The following ARHGEF37 variants were observed in gnomAD, a reference collection of about 807,000 sequenced individuals.
ARHGEF37 encodes the protein Rho guanine nucleotide exchange factor (GEF) 37.
ARHGEF37 carries 55 observed loss-of-function variants against 71.1 expected under a neutral mutation model. The ratio of observed to expected loss-of-function variants is 0.77; its 90% CI spans 0.62 to 0.97. ARHGEF37 has a LOEUF of 0.97. ARHGEF37 is among the 50% of genes least tolerant of loss of function. The pLI is 0.00. For synonymous variants in ARHGEF37, 327 were observed against 350.6 expected (o/e 0.93, Z 0.75); for missense variants, 765 against 836.8 (o/e 0.91, Z 1.06).
chr5:149,613,216 A>G (rs1335811470), intron 4 of ARHGEF37, among the ~76,000 whole-genome samples: 1 of 152,272 alleles, frequency 6.6e-6, no homozygotes, highest in Non-Finnish European at 1.5e-5. Flanking sequence ...GAAAGTTCCA[A>G]TAACACAAGT....
rs1408113663 is a variant in ARHGEF37, at chr5:149,621,842, A to G, written c.1115A>G (p.Glu372Gly). 6.2e-7 allele frequency: 1 copy of G among 1,614,218 alleles called. No individual in the cohort carries two copies. Among genetic ancestry groups the G allele is most frequent in the South Asian group, 1.1e-5 (1 of 91,088 alleles). Residue 372 changes from glutamate to glycine, a missense_variant, in exon 9 of 13, where the codon GAG becomes GGG. Transcript: ENST00000333677. ...CGTCTGGACAAGCTACTGGACTTTGAGCGGGTGGAAGAGAAGCTGCTGGAG... is the reference window on the plus strand; with the variant it reads ...CGTCTGGACAAGCTACTGGACTTTGGGCGGGTGGAAGAGAAGCTGCTGGAG... Reference protein sequence around the residue: ...KKRLDKLLDFERVEEKLLEVG... With the variant: ...KKRLDKLLDFGRVEEKLLEVG...
chr5:149,616,962 T>G (rs1393694635), intron 5 of ARHGEF37, among the ~76,000 whole-genome samples, 196 bp downstream of exon 5: 2 of 152,210 alleles, frequency 1.3e-5, no homozygotes, highest in African/African-American at 4.8e-5. Flanking sequence ...TCTCTGCTCT[T>G]TACTCTGTAT....
intron 1 of ARHGEF37, among the ~76,000 whole-genome samples, chr5:149,562,906 C>CA (rs1762851361): frequency 6.6e-6 from 1 of 152,188 alleles, no homozygotes; most frequent in Non-Finnish European, 1.5e-5. Context: ...AGTAGGCTTA[C>CA]ATTTGACTTA....
intron 12 of ARHGEF37, among the ~76,000 whole-genome samples, chr5:149,629,215 G>GATTCATTCATTCATTCATTC (rs34166602): frequency 6.6e-6 from 1 of 151,224 alleles, no homozygotes; most frequent in African/African-American, 2.4e-5. Context: ...GGGCAAGTGA[G>GATTCATTCATTCATTCATTC]ATTCATTCAT....
chr5:149,569,588 G>A (rs1259604987), intron 1 of ARHGEF37, among the ~76,000 whole-genome samples: 1 of 152,074 alleles, frequency 6.6e-6, no homozygotes, highest in Non-Finnish European at 1.5e-5. Flanking sequence ...CCACAGTGCT[G>A]GGATTACAGG....
Position 149,627,333 on chromosome 5 carries a change from G to A in ARHGEF37, c.1660+62G>A, listed in dbSNP as rs147753170. The A allele has an allele frequency of 4.4e-4, 678 of 1,547,864 alleles. 1 individual carries two copies. The African/African-American group carries it at 8.3e-3, about 19-fold the overall frequency. ...GGAAAACCACCCCACAGAAGCCGGT[G>A]CAGAGACCCGGGCACTCTTGTGGGT... On this transcript the variant is annotated intron_variant, in intron 11 of 12. Coordinates refer to ENST00000333677, the MANE Select transcript of ARHGEF37 (RefSeq NM_001001669.3).
chr5:149,627,209 T>C lies in ARHGEF37; in HGVS notation c.1598T>C (p.Val533Ala), dbSNP rs1752715912. Residue 533 changes from valine (V) to alanine (A), a missense_variant, in exon 11 of 13, where the codon GTG becomes GCG. Transcript: ENST00000333677. ...CTGACTCTGCCTCGGGGCCAAATCGTGGCCATCCTTCAAAACAAGGACACC... is the reference window on the plus strand; with the variant it reads ...CTGACTCTGCCTCGGGGCCAAATCGCGGCCATCCTTCAAAACAAGGACACC... ...LDLTLPRGQI[V>A]AILQNKDTKG... The C allele has an allele frequency of 6.2e-7, 1 of 1,613,952 alleles. No homozygotes were observed. Among genetic ancestry groups the C allele is most frequent in the Admixed American group, 1.7e-5 (1 of 60,012 alleles).
At chr5:149,623,395 A>T (rs1440702816) in intron 9 of ARHGEF37, among the ~76,000 whole-genome samples, 1 of 152,132 alleles carries the variant, frequency 6.6e-6, no homozygotes, top group Non-Finnish European at 1.5e-5. Flanking sequence ...ACACTCTGCA[A>T]ATTGAATTAG....
chr5:149,620,287 AG>A, intron 7 of ARHGEF37, 66 bp from the exon 8 acceptor site: 1 of 1,180,974 alleles, frequency 8.5e-7, no homozygotes, highest in Non-Finnish European at 1.2e-6. Context: ...GTATGGTGGA[AG>A]GGGATTCCAG....
chr5:149,612,249 C>T (rs1313441669), intron 4 of ARHGEF37, among the ~76,000 whole-genome samples: 3 of 152,124 alleles, frequency 2.0e-5, no homozygotes, highest in Non-Finnish European at 2.9e-5. Flanking sequence ...CCCACTGCAA[C>T]CTCCGTCTCC....
At chr5:149,580,349 C>T (rs777972793), upstream of ARHGEF37, among the ~76,000 whole-genome samples, 6 of 152,180 alleles carry the variant, frequency 3.9e-5, no homozygotes, top group African/African-American at 9.7e-5. Context: ...CCGTGAGCCA[C>T]CGCGCCCGGC....
At chr5:149,566,110 T>A (rs1300506465) in intron 1 of ARHGEF37, among the ~76,000 whole-genome samples, 1 of 151,644 alleles carries the variant, frequency 6.6e-6, no homozygotes, top group Non-Finnish European at 1.5e-5. Context: ...CCGCCCAAAG[T>A]GCTGGGATTA....
intron 1 of ARHGEF37, among the ~76,000 whole-genome samples, chr5:149,589,625 G>A (rs774885070): frequency 2.0e-5 from 3 of 151,974 alleles, no homozygotes; most frequent in East Asian, 1.9e-4. Flanking sequence ...TCAGCCCCCC[G>A]AGTAGCTGGG....
At chr5:149,611,564 G>C (rs970684625) in intron 4 of ARHGEF37, among the ~76,000 whole-genome samples, 1 of 152,218 alleles carries the variant, frequency 6.6e-6, no homozygotes, top group Non-Finnish European at 1.5e-5. Context: ...CTCTGTAGCC[G>C]AGCTCCATGG....
intron 1 of ARHGEF37, among the ~76,000 whole-genome samples, chr5:149,571,366 G>A (rs1320102734): frequency 1.3e-5 from 2 of 152,010 alleles, no homozygotes; most frequent in African/African-American, 4.8e-5. Context: ...AGCAATTCTT[G>A]TGCCTCAGCC....
intron 4 of ARHGEF37, 132 bp downstream of exon 4, chr5:149,609,827 A>T: frequency 1.6e-6 from 2 of 1,270,216 alleles, no homozygotes; most frequent in Middle Eastern, 2.7e-4. Context: ...TGTGTTAGTC[A>T]GGATAGGGCA....
Position 149,620,443 on chromosome 5 carries a change from C to T in ARHGEF37, c.984C>T (p.His328=). 2 of 1,610,256 alleles carry T rather than the reference C, an allele frequency of 1.2e-6. 1 individual carries two copies. The highest frequency in any genetic ancestry group is 2.2e-5 in the South Asian group (2 of 90,394). Residue 328 remains histidine (H), a synonymous_variant, in exon 8 of 13, where the codon CAC becomes CAT. Coordinates refer to ENST00000333677, the MANE Select transcript of ARHGEF37 (RefSeq NM_001001669.3). ...VQYCNLARDL[H]LEAFLKFKQR... is the part of the protein sequence containing the mutation. ...ATTGCAATTTGGCAAGAGACCTTCACCTTGAGGCCTTCCTGAAATTTGTGA... is the reference window on the plus strand; with the variant it reads ...ATTGCAATTTGGCAAGAGACCTTCATCTTGAGGCCTTCCTGAAATTTGTGA...
At chr5:149,561,664 C>G (rs752396132) in intron 1 of ARHGEF37, among the ~76,000 whole-genome samples, 1 of 152,196 alleles carries the variant, frequency 6.6e-6, no homozygotes, top group Non-Finnish European at 1.5e-5. Flanking sequence ...TGCATTTCGC[C>G]TGTGTTTCCT....
chr5:149,620,533 G>T, intron 8 of ARHGEF37, 69 bp downstream of exon 8: 1 of 1,334,176 alleles, frequency 7.5e-7, no homozygotes, highest in Non-Finnish European at 1.0e-6. Flanking sequence ...ATAATATTTA[G>T]AAGTCAGGCA....
Sources: gnomAD v4.1 joint callset for allele counts (sites outside exome capture counted in the v4.1 genomes callset) on GRCh38, gnomAD v4.1.1 for gene constraint, MANE v1.5 for transcripts, NCBI Gene and HGNC (gene_info 2026-07-23, HGNC 2026-07-21) for gene names.